The following ERICH6B variants were observed in gnomAD, a reference collection of about 807,000 sequenced individuals.
ERICH6B encodes glutamate rich 6B.
A neutral mutation model predicts 80.0 loss-of-function variants in ERICH6B; 69 were observed. The ratio of observed to expected loss-of-function variants is 0.86; its 90% CI spans 0.71 to 1.05. The LOEUF is 1.05. Among genes scored for constraint, ERICH6B ranks in the 50% least tolerant of loss-of-function variants. The pLI is 0.00. For synonymous variants in ERICH6B, 283 were observed against 291.9 expected, an observed-to-expected ratio of 0.97 and a Z score of 0.31; for missense variants, 754 against 796.1, an observed-to-expected ratio of 0.95 and a Z score of 0.64.
intron 4 of ERICH6B, among the ~76,000 whole-genome samples, chr13:45,589,883 C>T (rs953407076): frequency 2.6e-5 from 4 of 152,272 alleles, no homozygotes; most frequent in South Asian, 4.1e-4. Flanking sequence ...GGGAACAGAG[C>T]GGCCAGTGCA....
At chr13:45,554,620 T>C (rs1193801890) in intron 11 of ERICH6B, among the ~76,000 whole-genome samples, 1 of 152,154 alleles carries the variant, frequency 6.6e-6, no homozygotes, top group African/African-American at 2.4e-5. Context: ...AGAGCTGGAG[T>C]TGGCACATGT....
intron 5 of ERICH6B, among the ~76,000 whole-genome samples, chr13:45,581,114 G>A (rs1050314199): frequency 9.2e-5 from 14 of 152,194 alleles, no homozygotes; most frequent in African/African-American, 3.4e-4. Context: ...GCCATGGGGT[G>A]TGTGATGGGG....
intron 8 of ERICH6B, among the ~76,000 whole-genome samples, chr13:45,573,829 A>C (rs1380826634): frequency 6.6e-6 from 1 of 152,254 alleles, no homozygotes; most frequent in Non-Finnish European, 1.5e-5. Context: ...TTTGTGTCTA[A>C]CTAAAACAAT....
chr13:45,573,069 T>C (rs998997990), intron 8 of ERICH6B, among the ~76,000 whole-genome samples: 2 of 152,090 alleles, frequency 1.3e-5, no homozygotes, highest in Non-Finnish European at 2.9e-5. Context: ...ATAGCTCTGG[T>C]TCCAGCATCA....
At chr13:45,600,237 G>A (rs1003796533) in intron 2 of ERICH6B, among the ~76,000 whole-genome samples, 5 of 152,206 alleles carry the variant, frequency 3.3e-5, no homozygotes, top group Non-Finnish European at 7.3e-5. Flanking sequence ...ACAGAGCTGG[G>A]ATGGCTAGAG....
intron 14 of ERICH6B, among the ~76,000 whole-genome samples, chr13:45,544,364 C>A (rs141687052): frequency 6.6e-6 from 1 of 152,268 alleles, no homozygotes; most frequent in African/African-American, 2.4e-5. Flanking sequence ...CATAAGCCAC[C>A]GCAACTGGCC....
intron 11 of ERICH6B, among the ~76,000 whole-genome samples, chr13:45,559,298 T>G (rs1049666126): frequency 1.3e-5 from 2 of 152,198 alleles, no homozygotes; most frequent in Admixed American, 1.3e-4. Context: ...CTCTCTTCTT[T>G]TCTTGGTTAA....
chr13:45,543,234 C>T (rs1047535732), intron 14 of ERICH6B, among the ~76,000 whole-genome samples: 3 of 152,108 alleles, frequency 2.0e-5, no homozygotes, highest in African/African-American at 7.2e-5. Flanking sequence ...AACTCTGGTC[C>T]TCAGGAAGGG....
Position 45,563,749 on chromosome 13 carries a change from T to G in ERICH6B, c.1227A>C (p.Leu409Phe). 6.4e-7 allele frequency: 1 copy of G among 1,552,322 alleles called. No homozygotes were observed. Among genetic ancestry groups the G allele is most frequent in the Non-Finnish European group, 8.7e-7 (1 of 1,147,130 alleles). Residue 409 changes from leucine to phenylalanine, a missense_variant, in exon 10 of 15, where the codon TTA becomes TTC. Coordinates refer to ENST00000298738, the MANE Select transcript of ERICH6B (RefSeq NM_182542.3). ...KNYEKFKETI[L>F]RIKRRREAQK... is the part of the protein sequence containing the mutation. ...TACCTTCACGTCTCCTCTTAATCCG[T>G]AAGATTGTTTCCTTGAACTTTTCAT...
intron 9 of ERICH6B, among the ~76,000 whole-genome samples, chr13:45,564,971 C>T (rs773462573): frequency 1.3e-5 from 2 of 152,198 alleles, no homozygotes; most frequent in Non-Finnish European, 2.9e-5. Context: ...CTGGGGTGCA[C>T]TCTACTGTAT....
At chr13:45,604,708 AC>A (rs1949847318) in intron 2 of ERICH6B, among the ~76,000 whole-genome samples, 2 of 152,048 alleles carry the variant, frequency 1.3e-5, no homozygotes, top group African/African-American at 4.8e-5. Flanking sequence ...AAACAAACAA[AC>A]AAACAAAACA....
At chr13:45,560,128 C>T (rs1005956950) in intron 11 of ERICH6B, among the ~76,000 whole-genome samples, 4 of 152,134 alleles carry the variant, frequency 2.6e-5, no homozygotes, top group African/African-American at 9.7e-5. Context: ...ATTATATAAT[C>T]TTCCTCTTTG....
At chr13:45,560,981 A>G (rs1402606457) in intron 11 of ERICH6B, among the ~76,000 whole-genome samples, 32 of 152,216 alleles carry the variant, frequency 2.1e-4, no homozygotes, top group Non-Finnish European at 2.9e-5. Flanking sequence ...GTGGCTATTT[A>G]CAGGCGTGAT....
At chr13:45,606,544 TATA>T (rs1274821806) in intron 2 of ERICH6B, among the ~76,000 whole-genome samples, 42 of 16,944 alleles carry the variant, frequency 2.5e-3, no homozygotes, top group East Asian at 5.9e-3. Context: ...TATATATATA[TATA>T]TTTTTTTTTT....
At chr13:45,547,791 G>A (rs375978329) in intron 13 of ERICH6B, among the ~76,000 whole-genome samples, 1 of 152,138 alleles carries the variant, frequency 6.6e-6, no homozygotes, top group African/African-American at 2.4e-5. Flanking sequence ...TTGCTGCTAT[G>A]TTTGGTGATC....
At chr13:45,553,053 A>T in intron 11 of ERICH6B, 1 of 272,778 alleles carries the variant, frequency 3.7e-6, no homozygotes, top group Non-Finnish European at 7.3e-6. Flanking sequence ...AGTAGAAAAA[A>T]GCAGTTTTCT....
intron 14 of ERICH6B, among the ~76,000 whole-genome samples, chr13:45,542,772 G>A (rs1158788943): frequency 1.3e-5 from 2 of 152,218 alleles, no homozygotes; most frequent in Non-Finnish European, 2.9e-5. Flanking sequence ...ATGCTGGGAT[G>A]TCATTATTCA....
Position 45,568,328 on chromosome 13 carries a change from T to C in ERICH6B, c.1174A>G (p.Lys392Glu). The change falls in exon 9 of 15, where the codon AAA becomes GAA. Residue 392 changes from lysine to glutamate, a missense_variant. Coordinates refer to ENST00000298738, the MANE Select transcript of ERICH6B (RefSeq NM_182542.3). Reference sequence around the variant, plus strand: ...CCAGTTACTTACATAATTACCAGTTTCCATCTGTTTTCACTTTCCAGTAGC... The same window carrying C: ...CCAGTTACTTACATAATTACCAGTTCCCATCTGTTTTCACTTTCCAGTAGC... Reference protein sequence around the residue: ...TKLLESENRWKLVIMLKKNYE... With the variant: ...TKLLESENRWELVIMLKKNYE... 1 of 1,544,946 alleles carries C rather than the reference T, an allele frequency of 6.5e-7. No individual in the cohort carries two copies. Among genetic ancestry groups the C allele is most frequent in the Non-Finnish European group, 8.7e-7 (1 of 1,144,798 alleles).
chr13:45,544,623 G>A, intron 14 of ERICH6B, 137 bp downstream of exon 14: 1 of 668,988 alleles, frequency 1.5e-6, no homozygotes, highest in Non-Finnish European at 2.6e-6. Context: ...GTAAACCAAA[G>A]TGGCCTTGTT....
Sources: gnomAD v4.1 joint callset for allele counts (sites outside exome capture counted in the v4.1 genomes callset) on GRCh38, gnomAD v4.1.1 for gene constraint, MANE v1.5 for transcripts, NCBI Gene and HGNC (gene_info 2026-07-23, HGNC 2026-07-21) for gene names.